The following LRRC7 variants were observed in gnomAD, a reference collection of about 807,000 sequenced individuals.
LRRC7 encodes the protein leucine rich repeat containing 7.
LRRC7 carries 23 observed loss-of-function variants against 175.7 expected under a neutral mutation model. The ratio of observed to expected loss-of-function variants is 0.13; its 90% CI spans 0.09 to 0.19. The LOEUF is 0.19. Among genes scored for constraint, LRRC7 ranks in the 10% least tolerant of loss-of-function variants. The probability of loss-of-function intolerance (pLI) is 1.00; values close to 1 mark genes in which losing one functional copy is unlikely to be tolerated. For synonymous variants in LRRC7, 685 were observed against 680.9 expected (o/e 1.01, Z -0.09); for missense variants, 1,354 against 1,904.7 (o/e 0.71, Z 5.38).
chr1:69,793,103 G>C (rs1284398249), intron 4 of LRRC7, among the ~76,000 whole-genome samples: 6 of 152,106 alleles, frequency 3.9e-5, no homozygotes, highest in Non-Finnish European at 7.4e-5. Flanking sequence ...TTAGTGCTGA[G>C]GAGACAGGAA....
At chr1:69,934,798 T>TA (rs1557906324) in intron 8 of LRRC7, among the ~76,000 whole-genome samples, 1 of 152,130 alleles carries the variant, frequency 6.6e-6, no homozygotes, top group East Asian at 1.9e-4. Flanking sequence ...ATCATCCTCT[T>TA]TGCTGACCAT....
intron 1 of LRRC7, among the ~76,000 whole-genome samples, chr1:69,645,499 T>G (rs1014882): frequency 0.22 from 33,438 of 151,894 alleles, 4,155 homozygotes; most frequent in South Asian, 0.29. Context: ...ATAACATGAA[T>G]TTTCTTTTCC....
At chr1:69,579,357 C>T (rs1309065375) in intron 1 of LRRC7, among the ~76,000 whole-genome samples, 14 of 151,982 alleles carry the variant, frequency 9.2e-5, no homozygotes, top group Non-Finnish European at 2.1e-4. Context: ...CTCCACATAT[C>T]TTTTTTTAAA....
intron 2 of LRRC7, among the ~76,000 whole-genome samples, chr1:69,758,271 G>T (rs1428498714): frequency 6.6e-6 from 1 of 152,016 alleles, no homozygotes; most frequent in Non-Finnish European, 1.5e-5. Context: ...AAGAACAGGA[G>T]TTGGAGAGAC....
intron 1 of LRRC7, among the ~76,000 whole-genome samples, chr1:69,614,734 A>G (rs1224871343): frequency 6.6e-6 from 1 of 152,080 alleles, no homozygotes. Flanking sequence ...ATTTAACAAC[A>G]TGTGTGATCT....
intron 1 of LRRC7, among the ~76,000 whole-genome samples, chr1:69,601,341 T>G (rs1647062751): frequency 6.6e-6 from 1 of 152,182 alleles, no homozygotes; most frequent in Non-Finnish European, 1.5e-5. Context: ...CCAACTCTAA[T>G]CCATTACTGC....
At chr1:69,680,883 A>T (rs1188428683) in intron 2 of LRRC7, among the ~76,000 whole-genome samples, 3 of 152,030 alleles carry the variant, frequency 2.0e-5, no homozygotes, top group Admixed American at 6.6e-5. Context: ...GAATTAAGGG[A>T]GATATTTATA....
chr1:70,033,309 C>T (rs1461577696), intron 18 of LRRC7, among the ~76,000 whole-genome samples: 1 of 152,022 alleles, frequency 6.6e-6, no homozygotes, highest in Admixed American at 6.6e-5. Context: ...TAAATAAATA[C>T]CACATAATGA....
chr1:69,725,090 A>T (rs74751341), intron 2 of LRRC7, among the ~76,000 whole-genome samples: 7,945 of 152,150 alleles, frequency 0.052, 376 homozygotes, highest in East Asian at 0.26. Flanking sequence ...TTATATATAT[A>T]TGTATATTAC....
At chr1:69,962,520 T>G (rs1651199863) in intron 8 of LRRC7, among the ~76,000 whole-genome samples, 1 of 152,180 alleles carries the variant, frequency 6.6e-6, no homozygotes, top group Non-Finnish European at 1.5e-5. Flanking sequence ...GTTATAAAGA[T>G]GGATACACAC....
intron 25 of LRRC7, among the ~76,000 whole-genome samples, chr1:70,099,373 T>C (rs1558068059): frequency 7.3e-6 from 1 of 136,394 alleles, no homozygotes; most frequent in Non-Finnish European, 1.6e-5. Flanking sequence ...TCATACTGAA[T>C]GGGCAAAAAC....
intron 2 of LRRC7, among the ~76,000 whole-genome samples, chr1:69,722,967 AT>A (rs1254213006): frequency 1.3e-5 from 2 of 151,944 alleles, no homozygotes; most frequent in African/African-American, 4.8e-5. Context: ...TTAAAATTTG[AT>A]TTTTATGTTA....
At chr1:69,839,332 C>G (rs1027094610) in intron 7 of LRRC7, among the ~76,000 whole-genome samples, 1 of 152,044 alleles carries the variant, frequency 6.6e-6, no homozygotes, top group Non-Finnish European at 1.5e-5. Context: ...TAAAACACCT[C>G]CTTAATCCTC....
intron 10 of LRRC7, among the ~76,000 whole-genome samples, chr1:69,992,431 G>A (rs1324840466): frequency 6.6e-6 from 1 of 152,016 alleles, no homozygotes; most frequent in Non-Finnish European, 1.5e-5. Flanking sequence ...GAAGGAATAG[G>A]ATAAAATACC....
At chr1:69,840,444 C>T (rs1336645537) in intron 7 of LRRC7, among the ~76,000 whole-genome samples, 1 of 151,944 alleles carries the variant, frequency 6.6e-6, no homozygotes, top group African/African-American at 2.4e-5. Context: ...GAAGAGATAA[C>T]TCATGATTTC....
intron 17 of LRRC7, among the ~76,000 whole-genome samples, chr1:70,026,359 T>C (rs953890541): frequency 3.9e-5 from 6 of 152,156 alleles, no homozygotes; most frequent in African/African-American, 1.4e-4. Context: ...TAATTTTTTT[T>C]ACTTCTAGCA....
chr1:69,834,725 G>A, intron 5 of LRRC7, 55 bp from the exon 6 acceptor site: 2 of 1,286,550 alleles, frequency 1.6e-6, no homozygotes, highest in Non-Finnish European at 2.2e-6. Flanking sequence ...TATTTTTTTT[G>A]TTCTGTTTCT....
chr1:69,915,249 A>T (rs1646651095), intron 7 of LRRC7, among the ~76,000 whole-genome samples: 2 of 152,302 alleles, frequency 1.3e-5, no homozygotes, highest in East Asian at 3.9e-4. Flanking sequence ...GCCTGAAGTG[A>T]ATATTGGGAG....
chr1:70,120,378 C>G (rs190446901), intron 26 of LRRC7, among the ~76,000 whole-genome samples: 1 of 151,920 alleles, frequency 6.6e-6, no homozygotes, highest in Non-Finnish European at 1.5e-5. Context: ...ATTCTGTCAT[C>G]TAGTATTTTT....
Sources: gnomAD v4.1 joint callset for allele counts (sites outside exome capture counted in the v4.1 genomes callset) on GRCh38, gnomAD v4.1.1 for gene constraint, MANE v1.5 for transcripts, NCBI Gene and HGNC (gene_info 2026-07-23, HGNC 2026-07-21) for gene names.